The following CTNNA2 variants were observed in gnomAD, a reference collection of about 807,000 sequenced individuals.
The protein encoded by CTNNA2 is catenin alpha-2.
A neutral mutation model predicts 101.0 loss-of-function variants in CTNNA2; 42 were observed. The observed-to-expected ratio is 0.42, with a 90% CI of 0.32 to 0.54. The LOEUF is 0.54. CTNNA2 is among the 20% of genes least tolerant of loss of function. The pLI, the probability that CTNNA2 is intolerant of heterozygous loss-of-function variation, is 0.14. For synonymous variants in CTNNA2, 450 were observed against 456.4 expected (o/e 0.99, Z 0.18); for missense variants, 871 against 1,223.1 (o/e 0.71, Z 4.29).
intron 1 of CTNNA2, among the ~76,000 whole-genome samples, chr2:79,530,345 A>G (rs1198813716): frequency 6.6e-6 from 1 of 152,162 alleles, no homozygotes; most frequent in Admixed American, 6.6e-5. Flanking sequence ...AAACAAAGAT[A>G]TTTTACTGTT....
chr2:80,202,447 TC>T (rs1707266949), intron 7 of CTNNA2, among the ~76,000 whole-genome samples: 1 of 152,138 alleles, frequency 6.6e-6, no homozygotes, highest in Non-Finnish European at 1.5e-5. Flanking sequence ...AGGGAAGGCT[TC>T]CCCTATTGGC....
At chr2:79,575,354 C>T (rs1468767861) in intron 1 of CTNNA2, 1 of 152,228 alleles carries the variant, frequency 6.6e-6, no homozygotes, top group Admixed American at 6.5e-5. Context: ...TCCTGGTTCC[C>T]TGTGCCTCCT....
chr2:80,088,282 T>C (rs1439358826), intron 7 of CTNNA2, among the ~76,000 whole-genome samples: 3 of 152,056 alleles, frequency 2.0e-5, no homozygotes, highest in African/African-American at 4.8e-5. Flanking sequence ...AATCATCTTA[T>C]TAAACCCATA....
rs1214956780 is a variant in CTNNA2, at chr2:79,963,094, AAAT to A, written c.1056+53298_1056+53300del. Among the ~76,000 whole-genome samples, 24 of 151,172 alleles carry A rather than the reference AAAT, an allele frequency of 1.6e-4. 1 individual carries two copies. The highest frequency in any genetic ancestry group is 6.0e-4 in the East Asian group (3 of 4,990). ...TCAAAAAAAAAAAAAAAAAAAAAAA[AAAT>A]GTTACACAAAATTGTGTCTCACATA... On this transcript the variant is annotated intron_variant, in intron 7 of 18. Coordinates refer to ENST00000402739, the MANE Select transcript of CTNNA2 (RefSeq NM_001282597.3).
intron 3 of CTNNA2, among the ~76,000 whole-genome samples, chr2:79,355,022 A>T (rs1423353359): frequency 6.6e-6 from 1 of 152,086 alleles, no homozygotes; most frequent in African/African-American, 2.4e-5. Context: ...CGACTTTGTT[A>T]AAGATCAGCT....
intron 4 of CTNNA2, among the ~76,000 whole-genome samples, chr2:79,450,598 A>G (rs531798537): frequency 3.9e-5 from 6 of 152,094 alleles, no homozygotes; most frequent in Non-Finnish European, 7.4e-5. Flanking sequence ...TTATCTTGAA[A>G]TTCTAGACAA....
At chr2:80,631,361 A>ATT (rs35491193) in intron 18 of CTNNA2, among the ~76,000 whole-genome samples, 6,996 of 108,188 alleles carry the variant, frequency 0.065, 195 homozygotes, top group South Asian at 0.12. Flanking sequence ...GAAACCACTA[A>ATT]TTTTTTTTTT....
chr2:80,381,334 A>G lies in CTNNA2; in HGVS notation c.1057-11877A>G, dbSNP rs114296032. Among the ~76,000 whole-genome samples, 308 of 152,174 alleles carry G rather than the reference A, an allele frequency of 2.0e-3. 3 individuals are homozygous for G. Among genetic ancestry groups the G allele is most frequent in the African/African-American group, 7.0e-3 (290 of 41,544 alleles). Reference sequence around the variant, plus strand: ...CTAGATTGGGGCTTGTTAGTGTGCAAATAGTTAAAATATTTCTTTGGTTGT... The same window carrying G: ...CTAGATTGGGGCTTGTTAGTGTGCAGATAGTTAAAATATTTCTTTGGTTGT... On this transcript the variant is annotated intron_variant, in intron 7 of 18. Coordinates refer to ENST00000402739, the MANE Select transcript of CTNNA2 (RefSeq NM_001282597.3).
intron 3 of CTNNA2, among the ~76,000 whole-genome samples, chr2:79,373,369 A>G (rs7584429): frequency 0.15 from 22,301 of 152,144 alleles, 1,780 homozygotes; most frequent in Non-Finnish European, 0.18. Flanking sequence ...AGAACCTTAT[A>G]CTCCCTGATA....
chr2:79,414,709 C>T (rs1241582880), intron 4 of CTNNA2, among the ~76,000 whole-genome samples: 1 of 151,914 alleles, frequency 6.6e-6, no homozygotes, highest in South Asian at 2.1e-4. Context: ...CCTCTTGAAC[C>T]CCTATAATAC....
rs76600121 is a variant in CTNNA2 at position 79,443,701 on chromosome 2, GA to G, written c.-134-61344del. 4.6e-5 allele frequency among the ~76,000 whole-genome samples: 7 copies of G among 150,822 alleles called. No homozygotes were observed. In the South Asian group the frequency reaches 8.4e-4, roughly 18 times the overall value. ...TTTTCAGACTTATAATACATTTTAA[GA>G]AAAAAAAATATACTTGCTATTTAAA... On this transcript the variant is annotated intron_variant, in intron 4 of 21. Coordinates refer to the CTNNA2 transcript ENST00000466387.
At chr2:80,514,135 G>A (rs1168256583) in intron 9 of CTNNA2, among the ~76,000 whole-genome samples, 1 of 152,184 alleles carries the variant, frequency 6.6e-6, no homozygotes, top group East Asian at 1.9e-4. Flanking sequence ...TGAGGGTGAT[G>A]CAGGAGTTTT....
chr2:79,343,685 T>A (rs1677189051), intron 3 of CTNNA2, among the ~76,000 whole-genome samples: 1 of 151,822 alleles, frequency 6.6e-6, no homozygotes, highest in South Asian at 2.1e-4. Context: ...AAAATTGATA[T>A]TGACCTAACC....
At chr2:79,508,054 T>C (rs570697533), upstream of CTNNA2, among the ~76,000 whole-genome samples, 9 of 152,306 alleles carry the variant, frequency 5.9e-5, no homozygotes, top group African/African-American at 2.2e-4. Context: ...GAATTTCTCC[T>C]CTTCCTGCAT....
chr2:80,411,417 C>T (rs1015857082), intron 8 of CTNNA2, among the ~76,000 whole-genome samples: 1 of 152,050 alleles, frequency 6.6e-6, no homozygotes, highest in Admixed American at 6.6e-5. Context: ...TCACTGATTC[C>T]ATCTTATGGT....
chr2:79,380,729 T>C (rs192819210), intron 4 of CTNNA2, among the ~76,000 whole-genome samples: 254 of 152,314 alleles, frequency 1.7e-3, no homozygotes, highest in Non-Finnish European at 1.5e-3. Context: ...ATTTACCAAG[T>C]ATATAAAACA....
At chr2:79,285,512 C>G (rs550444132) in intron 2 of CTNNA2, among the ~76,000 whole-genome samples, 2 of 140,718 alleles carry the variant, frequency 1.4e-5, no homozygotes, top group Non-Finnish European at 3.1e-5. Flanking sequence ...TCGTTATGTA[C>G]CCAGTAGTCA....
At chr2:79,841,061 G>A (rs1207361106) in intron 3 of CTNNA2, among the ~76,000 whole-genome samples, 7 of 151,856 alleles carry the variant, frequency 4.6e-5, no homozygotes, top group African/African-American at 1.7e-4. Flanking sequence ...GAGCCACCGC[G>A]CCCTGCCGAG....
At chr2:79,460,195 A>G (rs1670864587) in intron 4 of CTNNA2, among the ~76,000 whole-genome samples, 1 of 152,186 alleles carries the variant, frequency 6.6e-6, no homozygotes, top group African/African-American at 2.4e-5. Context: ...TTACATTAAA[A>G]TATATTTGAC....
Sources: gnomAD v4.1 joint callset for allele counts (sites outside exome capture counted in the v4.1 genomes callset) on GRCh38, gnomAD v4.1.1 for gene constraint, MANE v1.5 for transcripts, NCBI Gene and HGNC (gene_info 2026-07-23, HGNC 2026-07-21) for gene names.